DENND4C: variants seen among roughly 807,000 people sequenced by gnomAD.
The protein encoded by DENND4C is DENN domain containing 4C.
Under a neutral mutation model 203.0 loss-of-function variants are expected in DENND4C, and 108 were observed. That is an observed-to-expected ratio of 0.53 (90% CI 0.46 to 0.62). The LOEUF (loss-of-function observed/expected upper bound fraction) is 0.62, where lower values mean the gene tolerates loss of function less well. Ranked by LOEUF, DENND4C falls within the 20% of genes least tolerant of loss-of-function variation. The pLI is 0.00. For synonymous variants in DENND4C, 871 were observed against 792.4 expected (o/e 1.10, Z -1.67); for missense variants, 2,481 against 2,301.2 (o/e 1.08, Z -1.60).
chr9:19,320,908 T>C (rs1842775021), intron 12 of DENND4C, among the ~76,000 whole-genome samples: 1 of 152,212 alleles, frequency 6.6e-6, no homozygotes, highest in African/African-American at 2.4e-5. Flanking sequence ...TTCTATTTTA[T>C]TTAAGCTTTT....
At chr9:19,278,876 C>A (rs1035445969) in intron 2 of DENND4C, among the ~76,000 whole-genome samples, 6 of 151,974 alleles carry the variant, frequency 3.9e-5, no homozygotes, top group South Asian at 2.1e-4. Flanking sequence ...CTCTGCCCCC[C>A]CAGAAGCTTG....
rs770297222 is a variant in DENND4C at position 19,336,734 on chromosome 9, G to A, written c.2783G>A (p.Gly928Asp). The change falls in exon 20 of 33, where the codon GGT becomes GAT. Residue 928 changes from glycine to aspartate, a missense_variant. Gly to Asp is a moderately conservative substitution (Grantham distance 94, BLOSUM62 -1). This residue lies in a region of DENND4C where 2,289 missense variants were observed against 2,113.3 expected (regional missense o/e 1.08). Transcript: ENST00000434457. ...AGTGATGGGGACACGGTGAGCCACG[G>A]TAGTGTGGATAGTTCTAATGATGCT... ...GGSDGDTVSH[G>D]SVDSSNDANN... The A allele has an allele frequency of 3.7e-5, 58 of 1,550,946 alleles. No individual in the cohort carries two copies. Among genetic ancestry groups the A allele is most frequent in the Non-Finnish European group, 4.3e-5 (49 of 1,147,082 alleles).
intron 20 of DENND4C, chr9:19,337,715 G>A: frequency 8.4e-7 from 1 of 1,190,338 alleles, no homozygotes; most frequent in Non-Finnish European, 1.1e-6. Flanking sequence ...GACCTGCAAG[G>A]GTGGGGGAAA....
Position 19,298,052 on chromosome 9 carries a change from C to T in DENND4C, c.1041-4C>T. 4 of 1,599,128 alleles carry T rather than the reference C, an allele frequency of 2.5e-6. No individual in the cohort carries two copies. Among genetic ancestry groups the T allele is most frequent in the Middle Eastern group, 1.7e-4 (1 of 5,994 alleles). On this transcript the variant is annotated splice_polypyrimidine_tract_variant and splice_region_variant and intron_variant, in intron 6 of 32. Coordinates refer to ENST00000434457, the MANE Select transcript of DENND4C (RefSeq NM_001330640.2). ...TTATATTTATTTCAAATTTTTTTTT[C>T]TAGGCACATTTCACATTTTATGCAA...
intron 15 of DENND4C, among the ~76,000 whole-genome samples, chr9:19,326,566 T>G (rs1482837866): frequency 1.3e-5 from 2 of 152,146 alleles, no homozygotes; most frequent in Non-Finnish European, 2.9e-5. Context: ...GGCCAGGAAT[T>G]TATTCTTTAT....
rs778633497 is a variant in DENND4C, at chr9:19,316,529, G to GA, written c.1588+16dup. ...CCAGCTGTCTTCAGGTAATGTGAGG[G>GA]AAAAGGAATATTATTAATGAAGGAA... On this transcript the variant is annotated intron_variant, in intron 11 of 32. Transcript: ENST00000434457. 3.7e-6 allele frequency: 6 copies of GA among 1,607,240 alleles called. No individual in the cohort carries two copies. The African/African-American group carries it at 6.7e-5, about 18-fold the overall frequency.
Position 19,352,061 on chromosome 9 carries a change from A to G in DENND4C, c.4496-12A>G. 6.2e-7 allele frequency: 1 copy of G among 1,607,620 alleles called. No individual in the cohort carries two copies. The highest frequency in any genetic ancestry group is 1.1e-5 in the South Asian group (1 of 90,914). ...CCTTACTTAAGGTATTACGATGTAT[A>G]TTCCTTTGTAGGTGAAGTTCCATTT... On this transcript the variant is annotated splice_polypyrimidine_tract_variant and intron_variant, in intron 24 of 32. Coordinates refer to ENST00000434457, the MANE Select transcript of DENND4C (RefSeq NM_001330640.2).
intron 15 of DENND4C, 115 bp from the exon 16 acceptor site, chr9:19,327,915 A>G (rs1231481761): frequency 3.0e-6 from 3 of 992,880 alleles, no homozygotes; most frequent in South Asian, 2.0e-5. Context: ...CTATATAAGC[A>G]TTTAAAATAA....
chr9:19,335,029 T>C lies in DENND4C; in HGVS notation c.2513T>C (p.Leu838Ser). Residue 838 changes from leucine to serine, a missense_variant, in exon 18 of 33, where the codon TTA becomes TCA. Around this residue, in one of 3 missense-constraint regions of DENND4C, gnomAD observed 2,289 missense variants for 2,113.3 expected, o/e 1.08. Transcript: ENST00000434457. ...QLCGLWGHPVLAVRVLFEMKT... is the reference protein window; with the variant it reads ...QLCGLWGHPVSAVRVLFEMKT... ...TGTGGACTTTGGGGTCATCCTGTTT[T>C]AGCAGTGAGAGTCTTATTTGAAATG... The C allele has an allele frequency of 6.2e-7, 1 of 1,613,176 alleles. No homozygotes were observed. The highest frequency in any genetic ancestry group is 8.5e-7 in the Non-Finnish European group (1 of 1,179,624).
intron 1 of DENND4C, among the ~76,000 whole-genome samples, chr9:19,240,615 G>A (rs1290728320): frequency 2.0e-5 from 3 of 150,926 alleles, no homozygotes; most frequent in Non-Finnish European, 2.9e-5. Context: ...GCAGTGAGCC[G>A]AGATCATGCC....
At chr9:19,252,567 G>C (rs1826896782) in intron 1 of DENND4C, among the ~76,000 whole-genome samples, 1 of 152,162 alleles carries the variant, frequency 6.6e-6, no homozygotes. Flanking sequence ...GAGTGACAGA[G>C]TGAGATCCTG....
intron 1 of DENND4C, among the ~76,000 whole-genome samples, chr9:19,262,949 C>G (rs1197506644): frequency 1.3e-5 from 2 of 152,194 alleles, no homozygotes; most frequent in African/African-American, 4.8e-5. Context: ...TGTAATCGCT[C>G]TAGCTAGGAC....
At chr9:19,236,530 G>A (rs1822013254) in intron 1 of DENND4C, among the ~76,000 whole-genome samples, 1 of 152,194 alleles carries the variant, frequency 6.6e-6, no homozygotes, top group Admixed American at 6.5e-5. Flanking sequence ...AGACTATATT[G>A]TAGAGAACAG....
At chr9:19,319,524 A>T (rs1205688158) in intron 12 of DENND4C, among the ~76,000 whole-genome samples, 1 of 150,426 alleles carries the variant, frequency 6.6e-6, no homozygotes, top group Non-Finnish European at 1.5e-5. Flanking sequence ...ATTAGATGGT[A>T]CAATTTGACC....
chr9:19,330,341 T>G (rs1264174301), intron 16 of DENND4C, among the ~76,000 whole-genome samples: 1 of 146,804 alleles, frequency 6.8e-6, no homozygotes, highest in African/African-American at 2.5e-5. Flanking sequence ...TGGTTTTTTT[T>G]TTTTTTTTTT....
chr9:19,356,840 C>A, intron 26 of DENND4C, 132 bp from the exon 27 acceptor site: 2 of 728,930 alleles, frequency 2.7e-6, no homozygotes, highest in Non-Finnish European at 2.1e-6. Flanking sequence ...GGAAATAGGC[C>A]GTGTTTTCCT....
chr9:19,343,740 A>T (rs774972270), intron 22 of DENND4C, among the ~76,000 whole-genome samples: 4 of 152,372 alleles, frequency 2.6e-5, no homozygotes, highest in Middle Eastern at 3.4e-3. Context: ...TCTTCGTCAG[A>T]GGCTTAGAAT....
intron 17 of DENND4C, among the ~76,000 whole-genome samples, chr9:19,332,457 G>C (rs1819433583): frequency 6.6e-6 from 1 of 151,290 alleles, no homozygotes; most frequent in Non-Finnish European, 1.5e-5. Context: ...CCCGGGTTCA[G>C]ACAGTTCTTG....
At chr9:19,371,900 T>G in intron 32 of DENND4C, 80 bp downstream of exon 32, 1 of 1,299,494 alleles carries the variant, frequency 7.7e-7, no homozygotes, top group Non-Finnish European at 1.1e-6. Context: ...GTAGCTGGTA[T>G]GTATAAAAGA....
Sources: allele counts gnomAD v4.1 joint callset (sites outside exome capture counted in the v4.1 genomes callset), GRCh38; gene constraint gnomAD v4.1.1; regional missense constraint gnomAD v4.1.1; transcripts MANE v1.5; gene names NCBI Gene and HGNC (gene_info 2026-07-23, HGNC 2026-07-21).